The following ABHD16A variants were observed in gnomAD, a reference collection of about 807,000 sequenced individuals.
ABHD16A encodes abhydrolase domain containing 16A, phospholipase.
Under a neutral mutation model 89.8 loss-of-function variants are expected in ABHD16A, and 47 were observed. The observed-to-expected ratio is 0.52, with a 90% CI of 0.41 to 0.67. The LOEUF (loss-of-function observed/expected upper bound fraction) is 0.67, where lower values mean the gene tolerates loss of function less well. Ranked by LOEUF, ABHD16A falls within the 30% of genes least tolerant of loss-of-function variation. ABHD16A has a pLI of 0.00. For synonymous variants in ABHD16A, 251 were observed against 280.4 expected, an observed-to-expected ratio of 0.90 and a Z score of 1.05; for missense variants, 580 against 734.6, an observed-to-expected ratio of 0.79 and a Z score of 2.43.
intron 5 of ABHD16A, 131 bp downstream of exon 5, chr6:31,696,817 G>A (rs1804441888): frequency 1.2e-6 from 1 of 853,988 alleles, no homozygotes; most frequent in African/African-American, 1.7e-5. Context: ...CAATGTGCAA[G>A]CAAACACCCA....
At chr6:31,702,646 G>A in intron 1 of ABHD16A, 2 of 1,524,352 alleles carry the variant, frequency 1.3e-6, no homozygotes, top group African/African-American at 1.4e-5. Flanking sequence ...ACAATGACTC[G>A]GGTCTCCAGG....
intron 1 of ABHD16A, chr6:31,702,680 G>A (rs1805136707): frequency 6.5e-7 from 1 of 1,545,886 alleles, no homozygotes; most frequent in Non-Finnish European, 8.7e-7. Flanking sequence ...GGGTTGAGGG[G>A]AGGACCGACG....
In ABHD16A at chr6:31,698,376, G is replaced by A. The variant is rs1391039272; in HGVS notation, c.344-1343C>T. 6.6e-6 allele frequency among the ~76,000 whole-genome samples: 1 copy of A among 151,416 alleles called. No homozygotes were observed. Among genetic ancestry groups the A allele is most frequent in the African/African-American group, 2.4e-5 (1 of 41,208 alleles). On this transcript the variant is annotated intron_variant, in intron 4 of 19. Transcript: ENST00000395952. The surrounding 1 kb of genome is among the most constrained non-coding windows in gnomAD (Gnocchi z 4.1). Reference sequence around the variant, plus strand: ...TGCTTTAGTATTTTGTTGACAGAAAGCATTTAAAGCAAATATCACAAAACT... The same window carrying A: ...TGCTTTAGTATTTTGTTGACAGAAAACATTTAAAGCAAATATCACAAAACT...
rs777873519 is a variant in ABHD16A, at chr6:31,691,888, C to T, written c.657G>A (p.Arg219=). ...SYLVAHTLGR[R]MLYPGSVYLL... ...GGTACACAGAGCCTGGATACAGCAT[C>T]CGGCGCCCTAGGGTGTGCGCCACCA... Residue 219 remains arginine, a synonymous_variant, in exon 8 of 20, where the codon CGG becomes CGA. Transcript: ENST00000395952. 2 of 1,610,912 alleles carry T rather than the reference C, an allele frequency of 1.2e-6. No individual in the cohort carries two copies. Among genetic ancestry groups the T allele is most frequent in the South Asian group, 1.1e-5 (1 of 90,814 alleles).
chr6:31,697,542 T>G (rs1172115446), intron 4 of ABHD16A, among the ~76,000 whole-genome samples: 2 of 152,170 alleles, frequency 1.3e-5, no homozygotes, highest in African/African-American at 4.8e-5. Context: ...TCTATCCTCA[T>G]TCTCTTCAAC....
rs1158174167 is a variant in ABHD16A at position 31,693,540 on chromosome 6, G to A, written c.430-108C>T. On this transcript the variant is annotated intron_variant, in intron 5 of 19. Transcript: ENST00000395952. This position sits in a 1 kb window ranked among gnomAD's most constrained non-coding sequence, Gnocchi z 5.0. ...CAGGGGTCTGATCCCCACACATCAT[G>A]GGGAAACCAAGCGGAGGTCAATACC... 3 of 1,067,650 alleles carry A rather than the reference G, an allele frequency of 2.8e-6. No homozygotes were observed. The highest frequency in any genetic ancestry group is 2.6e-5 in the East Asian group (1 of 39,120). 66.1% of individuals were successfully genotyped at this position (1,067,650 alleles called of 1,614,324 possible).
In ABHD16A at chr6:31,688,690, G is replaced by A. The variant is rs180999181; in HGVS notation, c.1250+33C>T. On this transcript the variant is annotated intron_variant, in intron 14 of 19. Coordinates refer to ENST00000395952, the MANE Select transcript of ABHD16A (RefSeq NM_021160.3). The surrounding 1 kb of genome is among the most constrained non-coding windows in gnomAD (Gnocchi z 4.9). ...GCCCAGCAGAGCTGTATGGGGGGCA[G>A]GTGTTCAATGCCGGACGCTGGCCGG... 359 of 1,610,966 alleles carry A rather than the reference G, an allele frequency of 2.2e-4. No homozygotes were observed. The highest frequency in any genetic ancestry group is 2.9e-4 in the Non-Finnish European group (346 of 1,178,618).
chr6:31,687,466 G>C lies in ABHD16A; in HGVS notation c.1593+32C>G. On this transcript the variant is annotated intron_variant, in intron 19 of 19. Transcript: ENST00000395952. The surrounding 1 kb of genome is among the most constrained non-coding windows in gnomAD (Gnocchi z 6.3). ...CCCTATGTGAGCCCTGGCCATTCAA[G>C]AACCCTTCCCACTTCCCACTCCTTA... is the stretch of plus-strand genomic sequence containing the variant. 6.2e-7 allele frequency: 1 copy of C among 1,613,004 alleles called. No individual in the cohort carries two copies. Among genetic ancestry groups the C allele is most frequent in the Non-Finnish European group, 8.5e-7 (1 of 1,179,980 alleles).
At chr6:31,694,387 C>CTTTTTTTTTTTTTT (rs1190272819) in intron 5 of ABHD16A, among the ~76,000 whole-genome samples, 7 of 77,702 alleles carry the variant, frequency 9.0e-5, no homozygotes, top group Admixed American at 3.6e-4. Flanking sequence ...GGAGCTGTGT[C>CTTTTTTTTTTTTTT]TTTTTTTTTT....
rs528237168 is a variant in ABHD16A, at chr6:31,691,817, C to T, written c.728G>A (p.Arg243Gln). 2.4e-5 allele frequency: 38 copies of T among 1,609,366 alleles called. No individual in the cohort carries two copies. The highest frequency in any genetic ancestry group is 1.3e-4 in the East Asian group (6 of 44,842). ...GGGAAGCCTCACCTCTTCCACCAGT[C>T]GGGCCTGGCCCTGCAGCAGCACAGG... ...LMPVLLQGQA[R>Q]LVEECNGRRA... is the part of the protein sequence containing the mutation. The change falls in exon 8 of 20, where the codon CGA becomes CAA. Residue 243 changes from arginine (R) to glutamine (Q), a missense_variant. Arg to Gln is a conservative substitution (Grantham distance 43, BLOSUM62 1). Around this residue, in one of 2 missense-constraint regions of ABHD16A, gnomAD observed 415 missense variants for 568.8 expected, o/e 0.73. Coordinates refer to ENST00000395952, the MANE Select transcript of ABHD16A (RefSeq NM_021160.3).
At position 31,688,940 on chromosome 6, in the gene ABHD16A, G is replaced by C. The variant is rs1803571822; in HGVS notation, c.1186+75C>G. ...GCGACTTACTCCCCACCCAAGAAAAGGGAGCCATCTCAGAACAGTTCCCAG... is the reference window on the plus strand; with the variant it reads ...GCGACTTACTCCCCACCCAAGAAAACGGAGCCATCTCAGAACAGTTCCCAG... On this transcript the variant is annotated intron_variant, in intron 13 of 19. Coordinates refer to ENST00000395952, the MANE Select transcript of ABHD16A (RefSeq NM_021160.3). The surrounding 1 kb of genome is among the most constrained non-coding windows in gnomAD (Gnocchi z 4.9). 2.0e-6 allele frequency: 3 copies of C among 1,473,742 alleles called. No individual in the cohort carries two copies. Among genetic ancestry groups the C allele is most frequent in the African/African-American group, 1.4e-5 (1 of 71,230 alleles). The allele number at this position is 1,473,742 out of a possible 1,614,324, so 91.3% of individuals were successfully genotyped here.
chr6:31,699,186 C>T (rs1485546643), intron 4 of ABHD16A, among the ~76,000 whole-genome samples: 1 of 151,790 alleles, frequency 6.6e-6, no homozygotes, highest in Non-Finnish European at 1.5e-5. Context: ...GCGGGTGGAT[C>T]ACGAGGTCAG....
intron 1 of ABHD16A, chr6:31,702,569 G>A: frequency 1.4e-6 from 2 of 1,416,410 alleles, no homozygotes; most frequent in East Asian, 2.7e-5. Flanking sequence ...GTAACACAAT[G>A]AGACAACTGA....
Position 31,688,034 on chromosome 6 carries a change from C to T in ABHD16A, c.1370+7G>A, listed in dbSNP as rs768330442. The T allele has an allele frequency of 5.6e-6, 9 of 1,612,364 alleles. No homozygotes were observed. The South Asian group carries it at 9.9e-5, about 18-fold the overall frequency. ...TGCCCCCAGCGCGCACACACCCTGG[C>T]TCTCACCGATGCTGCAGGAGCTTCA... On this transcript the variant is annotated splice_region_variant and intron_variant, in intron 16 of 19. Transcript: ENST00000395952. The surrounding 1 kb of genome is among the most constrained non-coding windows in gnomAD (Gnocchi z 4.9).
At position 31,688,769 on chromosome 6, in the gene ABHD16A, T is replaced by C; in HGVS notation, c.1204A>G (p.Thr402Ala). The C allele has an allele frequency of 3.7e-6, 6 of 1,613,008 alleles. No homozygotes were observed. Among genetic ancestry groups the C allele is most frequent in the Non-Finnish European group, 5.1e-6 (6 of 1,179,978 alleles). The change falls in exon 14 of 20, where the codon ACC becomes GCC. Residue 402 changes from threonine to alanine, a missense_variant. Thr to Ala is a moderately conservative substitution (Grantham distance 58). This residue lies in a region of ABHD16A where 415 missense variants were observed against 568.8 expected (regional missense o/e 0.73). Transcript: ENST00000395952. The surrounding 1 kb of genome is among the most constrained non-coding windows in gnomAD (Gnocchi z 4.9). Reference protein sequence around the residue: ...PDSWRGLVTRTVRQHLNLNNA... With the variant: ...PDSWRGLVTRAVRQHLNLNNA... ...TTTAGATTGAGATGCTGCCTCACGG[T>C]CCTGGTCACCAGGCCCCCTAGAGTG...
chr6:31,697,014 G>A lies in ABHD16A; in HGVS notation c.363C>T (p.Asn121=). Reference sequence around the variant, plus strand: ...TGGTGATGAACTGCCGGTACTGGGGGTTGGTCCAGCGGCCAATGCCTGGTA... The same window carrying A: ...TGGTGATGAACTGCCGGTACTGGGGATTGGTCCAGCGGCCAATGCCTGGTA... ...ACLRGIGRWT[N]PQYRQFITIL... is the part of the protein sequence containing the mutation. Residue 121 remains asparagine, a synonymous_variant, in exon 5 of 20, where the codon AAC becomes AAT. Transcript: ENST00000395952. 2 of 1,613,080 alleles carry A rather than the reference G, an allele frequency of 1.2e-6. No individual in the cohort carries two copies. The highest frequency in any genetic ancestry group is 1.7e-6 in the Non-Finnish European group (2 of 1,180,014).
rs576918622 is a variant in ABHD16A at position 31,690,532 on chromosome 6, G to A, written c.907+7C>T. On this transcript the variant is annotated splice_region_variant and intron_variant, in intron 10 of 19. Coordinates refer to ENST00000395952, the MANE Select transcript of ABHD16A (RefSeq NM_021160.3). The surrounding 1 kb of genome is among the most constrained non-coding windows in gnomAD (Gnocchi z 4.1). ...GCGGAGATAAGGAGGCTGAGTCACC[G>A]TCCTACCTTCCAGGGGCGTGGAGAC... The A allele has an allele frequency of 4.6e-5, 74 of 1,612,856 alleles. No individual in the cohort carries two copies. The East Asian group carries it at 9.6e-4, about 21-fold the overall frequency.
In ABHD16A at chr6:31,693,121, G is replaced by C; in HGVS notation, c.532C>G (p.Arg178Gly). Residue 178 changes from arginine (R) to glycine (G), a missense_variant, in exon 7 of 20, where the codon CGG becomes GGG. By Grantham distance (125) the Arg-to-Gly change is moderately radical (BLOSUM62 -2). This residue lies in a region of ABHD16A where 415 missense variants were observed against 568.8 expected (regional missense o/e 0.73). Coordinates refer to ENST00000395952, the MANE Select transcript of ABHD16A (RefSeq NM_021160.3). The surrounding 1 kb of genome is among the most constrained non-coding windows in gnomAD (Gnocchi z 5.0). ...TCTGGGCGAAGCAGGGCCACACCCC[G>C]GCGGGAAGGGCCCCCTCGAGACTCC... ...RKESRGGPSR[R>G]GVALLRPEPL... The C allele has an allele frequency of 6.2e-7, 1 of 1,613,884 alleles. No individual in the cohort carries two copies.
Position 31,687,712 on chromosome 6 carries a change from T to C in ABHD16A, c.1476A>G (p.Glu492=). The change falls in exon 18 of 20, where the codon GAA becomes GAG. Residue 492 remains glutamate (E), a synonymous_variant. Coordinates refer to ENST00000395952, the MANE Select transcript of ABHD16A (RefSeq NM_021160.3). This position sits in a 1 kb window ranked among gnomAD's most constrained non-coding sequence, Gnocchi z 6.3. ...EASIYSRWEV[E]EDWCLSVLRS... is the part of the protein sequence containing the mutation. ...GGAGGACAGACAGACACCAGTCCTC[T>C]TCCACCTCCCATCGGCTATAAATTG... 2 of 1,612,908 alleles carry C rather than the reference T, an allele frequency of 1.2e-6. No homozygotes were observed. Among genetic ancestry groups the C allele is most frequent in the Non-Finnish European group, 1.7e-6 (2 of 1,179,924 alleles).
Sources: gnomAD v4.1 joint callset for allele counts (sites outside exome capture counted in the v4.1 genomes callset) on GRCh38, gnomAD v4.1.1 for gene constraint, gnomAD v4.1.1 regional missense constraint, Gnocchi (gnomAD v3.1) non-coding constraint, MANE v1.5 for transcripts, NCBI Gene and HGNC (gene_info 2026-07-23, HGNC 2026-07-21) for gene names.